The following HRH3 variants were observed in gnomAD, a reference collection of about 807,000 sequenced individuals.
The protein encoded by HRH3 is histamine H3 receptor.
Under a neutral mutation model 21.6 loss-of-function variants are expected in HRH3, and 13 were observed. That is an observed-to-expected ratio of 0.60 (90% CI 0.39 to 0.96). The LOEUF (loss-of-function observed/expected upper bound fraction) is 0.96. HRH3 is among the 40% of genes least tolerant of loss of function. The pLI is 0.00. For synonymous variants in HRH3, 276 were observed against 290.3 expected, an observed-to-expected ratio of 0.95 and a Z score of 0.50; for missense variants, 461 against 622.7, an observed-to-expected ratio of 0.74 and a Z score of 2.76.
rs200525240 is a variant in HRH3 at position 62,215,806 on chromosome 20, C to T, written c.*200G>A. ...GGGGCAGGGCCGGCCACCCAGCCTC[C>T]AGTCCAGCCAGTGAGGGGCCCTCTG... is the stretch of plus-strand genomic sequence containing the variant. On this transcript the variant is annotated 3_prime_UTR_variant, in exon 3 of 3. Coordinates refer to ENST00000340177, the MANE Select transcript of HRH3 (RefSeq NM_007232.3). 8 of 604,578 alleles carry T rather than the reference C, an allele frequency of 1.3e-5. No homozygotes were observed. The highest frequency in any genetic ancestry group is 5.6e-5 in the African/African-American group (3 of 53,954). 37.5% of individuals were successfully genotyped at this position (604,578 alleles called of 1,614,324 possible). A position where few individuals can be genotyped will look rare whatever the true frequency, so the allele number is the denominator to read the frequency against.
At position 62,218,767 on chromosome 20, in the gene HRH3, G is replaced by T. The variant is rs1978686353; in HGVS notation, c.251-110C>A. The T allele has an allele frequency of 2.9e-6, 3 of 1,046,752 alleles. No individual in the cohort carries two copies. Among genetic ancestry groups the T allele is most frequent in the Non-Finnish European group, 4.1e-6 (3 of 728,480 alleles). The allele number at this position is 1,046,752 out of a possible 1,614,324, so 64.8% of individuals were successfully genotyped here. ...GGGTCACATGGTGGCTGCTTTTCTG[G>T]AACTAGCCATCCTCATCTTACCACC... On this transcript the variant is annotated intron_variant, in intron 1 of 2. Transcript: ENST00000340177. The surrounding 1 kb of genome is among the most constrained non-coding windows in gnomAD (Gnocchi z 5.6).
At position 62,219,647 on chromosome 20, in the gene HRH3, C is replaced by G. The variant is rs938308856; in HGVS notation, c.250+74G>C. 4.0e-5 allele frequency: 61 copies of G among 1,523,258 alleles called. No individual in the cohort carries two copies. Among genetic ancestry groups the G allele is most frequent in the East Asian group, 5.4e-5 (2 of 37,274 alleles). The allele number at this position is 1,523,258 out of a possible 1,614,324, so 94.4% of individuals were successfully genotyped here. ...TGTGCCTGCGGGAGCCACCCAGGTC[C>G]GTGTTCCAGTCCCCGCTGGCCCGGC... On this transcript the variant is annotated intron_variant, in intron 1 of 2. Coordinates refer to ENST00000340177, the MANE Select transcript of HRH3 (RefSeq NM_007232.3). The surrounding 1 kb of genome is among the most constrained non-coding windows in gnomAD (Gnocchi z 8.7).
chr20:62,219,632 G>A lies in HRH3; in HGVS notation c.250+89C>T. 1 of 1,478,242 alleles carries A rather than the reference G, an allele frequency of 6.8e-7. No individual in the cohort carries two copies. The highest frequency in any genetic ancestry group is 1.5e-5 in the African/African-American group (1 of 67,348). The allele number at this position is 1,478,242 out of a possible 1,614,324, so 91.6% of individuals were successfully genotyped here. A position where few individuals can be genotyped will look rare whatever the true frequency, so the allele number is the denominator to read the frequency against. ...TCCCCTGGTGGGGCGTGTGCCTGCG[G>A]GAGCCACCCAGGTCCGTGTTCCAGT... On this transcript the variant is annotated intron_variant, in intron 1 of 2. Coordinates refer to ENST00000340177, the MANE Select transcript of HRH3 (RefSeq NM_007232.3). The surrounding 1 kb of genome is among the most constrained non-coding windows in gnomAD (Gnocchi z 8.7).
chr20:62,219,676 G>C lies in HRH3; in HGVS notation c.250+45C>G, dbSNP rs766057001. ...TTCCAGTCCCCGCTGGCCCGGCCAC[G>C]CTGGGCGCCCCTGGGTCCCCAGCGG... is the stretch of plus-strand genomic sequence containing the variant. On this transcript the variant is annotated intron_variant, in intron 1 of 2. Transcript: ENST00000340177. The surrounding 1 kb of genome is among the most constrained non-coding windows in gnomAD (Gnocchi z 8.7). 2 of 1,564,974 alleles carry C rather than the reference G, an allele frequency of 1.3e-6. No individual in the cohort carries two copies. Among genetic ancestry groups the C allele is most frequent in the East Asian group, 2.5e-5 (1 of 40,750 alleles).
rs1435519129 is a variant in HRH3 at position 62,216,469 on chromosome 20, C to A, written c.875G>T (p.Gly292Val). The change falls in exon 3 of 3, where the codon GGG (glycine) becomes GTG (valine). Residue 292 changes from glycine (G) to valine (V), a missense_variant. Gly to Val is a moderately radical substitution (Grantham distance 109). Around this residue, in one of 6 missense-constraint regions of HRH3, gnomAD observed 163 missense variants for 139.4 expected, o/e 1.17. Transcript: ENST00000340177. Reference sequence around the variant, plus strand: ...CACGGAGCCGCCCCCACCGCCACCCCCGAGGGTCGCCTCCCCGGCCTCAGC... The same window carrying A: ...CACGGAGCCGCCCCCACCGCCACCCACGAGGGTCGCCTCCCCGGCCTCAGC... The part of the protein sequence containing the change: ...VGAEAGEATL[G>V]GGGGGGSVAS... The A allele has an allele frequency of 6.4e-7, 1 of 1,551,222 alleles. No individual in the cohort carries two copies. Among genetic ancestry groups the A allele is most frequent in the Admixed American group, 1.9e-5 (1 of 53,262 alleles).
In HRH3 at chr20:62,216,486, G is replaced by C; in HGVS notation, c.858C>G (p.Ala286=). The change falls in exon 3 of 3, where the codon GCC becomes GCG. Residue 286 remains alanine, a synonymous_variant. Coordinates refer to ENST00000340177, the MANE Select transcript of HRH3 (RefSeq NM_007232.3). The stretch of plus-strand genomic sequence containing the variant: ...CGCCACCCCCGAGGGTCGCCTCCCC[G>C]GCCTCAGCGCCTACGGCCGCCTCAC... ...GVGEAAVGAE[A]GEATLGGGGG... The C allele has an allele frequency of 6.4e-6, 10 of 1,566,520 alleles. No homozygotes were observed. Among genetic ancestry groups the C allele is most frequent in the African/African-American group, 4.1e-5 (3 of 73,924 alleles).
rs1249871813 is a variant in HRH3, at chr20:62,219,687, C to G, written c.250+34G>C. 2 of 1,578,204 alleles carry G rather than the reference C, an allele frequency of 1.3e-6. No individual in the cohort carries two copies. Among genetic ancestry groups the G allele is most frequent in the Non-Finnish European group, 8.6e-7 (1 of 1,161,754 alleles). On this transcript the variant is annotated intron_variant, in intron 1 of 2. Transcript: ENST00000340177. This position sits in a 1 kb window ranked among gnomAD's most constrained non-coding sequence, Gnocchi z 8.7. ...GCTGGCCCGGCCACGCTGGGCGCCC[C>G]TGGGTCCCCAGCGGCCAGGGGCTGG...
In HRH3 at chr20:62,219,461, TGCCTTTGC is replaced by T. The variant is rs1978719172; in HGVS notation, c.250+252_250+259del. 6.6e-6 allele frequency among the ~76,000 whole-genome samples: 1 copy of T among 152,180 alleles called. No individual in the cohort carries two copies. Among genetic ancestry groups the T allele is most frequent in the Admixed American group, 6.5e-5 (1 of 15,292 alleles). On this transcript the variant is annotated intron_variant, in intron 1 of 2. Coordinates refer to ENST00000340177, the MANE Select transcript of HRH3 (RefSeq NM_007232.3). The surrounding 1 kb of genome is among the most constrained non-coding windows in gnomAD (Gnocchi z 8.7). ...GCGCAGGAGCCAGAGCTGCACCCGC[TGCCTTTGC>T]GCCTTGCGCCTCGCCCAGTGCCCGT... is the stretch of plus-strand genomic sequence containing the variant.
chr20:62,216,997 G>A, intron 2 of HRH3, 71 bp from the exon 3 acceptor site: 3 of 1,419,466 alleles, frequency 2.1e-6, no homozygotes, highest in South Asian at 2.8e-5. Context: ...CGTAGCCTGT[G>A]GGCCCCTATG....
intron 2 of HRH3, among the ~76,000 whole-genome samples, chr20:62,217,393 C>T (rs1477233686): frequency 6.6e-6 from 1 of 152,220 alleles, no homozygotes; most frequent in Non-Finnish European, 1.5e-5. Flanking sequence ...GGTGCTCGCA[C>T]CCCTGGGAGC....
At position 62,215,776 on chromosome 20, in the gene HRH3, T is replaced by G; in HGVS notation, c.*230A>C. The G allele has an allele frequency of 1.8e-6, 1 of 567,146 alleles. No individual in the cohort carries two copies. Among genetic ancestry groups the G allele is most frequent in the Non-Finnish European group, 3.1e-6 (1 of 317,724 alleles). The allele number at this position is 567,146 out of a possible 1,614,324, so 35.1% of individuals were successfully genotyped here. On this transcript the variant is annotated 3_prime_UTR_variant, in exon 3 of 3. Coordinates refer to ENST00000340177, the MANE Select transcript of HRH3 (RefSeq NM_007232.3). ...ACTGTCCCTCCCGGTGGAGCCAGAA[T>G]GTGGGGGGCAGGGCCGGCCACCCAG...
chr20:62,215,764 G>A lies in HRH3; in HGVS notation c.*242C>T, dbSNP rs945711867. 5.3e-6 allele frequency: 3 copies of A among 564,410 alleles called. No individual in the cohort carries two copies. Among genetic ancestry groups the A allele is most frequent in the Non-Finnish European group, 9.5e-6 (3 of 315,590 alleles). The allele number at this position is 564,410 out of a possible 1,614,324, so 35.0% of individuals were successfully genotyped here. The stretch of plus-strand genomic sequence containing the variant: ...TGGGACCTCCAGACTGTCCCTCCCG[G>A]TGGAGCCAGAATGTGGGGGGCAGGG... On this transcript the variant is annotated 3_prime_UTR_variant, in exon 3 of 3. Coordinates refer to ENST00000340177, the MANE Select transcript of HRH3 (RefSeq NM_007232.3).
chr20:62,215,537 A>AGAAGGCAGC lies in HRH3; in HGVS notation c.*460_*468dup. The AGAAGGCAGC allele has an allele frequency of 4.5e-6, 2 of 448,720 alleles. No individual in the cohort carries two copies. Among genetic ancestry groups the AGAAGGCAGC allele is most frequent in the Middle Eastern group, 6.7e-4 (2 of 2,994 alleles). 27.8% of individuals were successfully genotyped at this position (448,720 alleles called of 1,614,324 possible). ...CAGGCCTGAGGCTTATGCAAGAGAC[A>AGAAGGCAGC]GAAGGCAGCAAAGGCAGTGTCCTGG... is the stretch of plus-strand genomic sequence containing the variant. On this transcript the variant is annotated 3_prime_UTR_variant, in exon 3 of 3. Transcript: ENST00000340177.
intron 2 of HRH3, 76 bp from the exon 3 acceptor site, chr20:62,217,002 C>T (rs1978596527): frequency 7.4e-7 from 1 of 1,359,742 alleles, no homozygotes; most frequent in South Asian, 1.4e-5. Flanking sequence ...CCTGTGGGCC[C>T]CTATGTGGGC....
At position 62,215,047 on chromosome 20, in the gene HRH3, C is replaced by T. The variant is rs199553034; in HGVS notation, c.*959G>A. The stretch of plus-strand genomic sequence containing the variant: ...CACAGGCAGAGGAGCATGCAGAGCG[C>T]GTGGCACGGGTGCACAGCACATGGC... On this transcript the variant is annotated 3_prime_UTR_variant, in exon 3 of 3. Coordinates refer to ENST00000340177, the MANE Select transcript of HRH3 (RefSeq NM_007232.3). The T allele has an allele frequency of 2.7e-5, 8 of 299,710 alleles. No homozygotes were observed. The highest frequency in any genetic ancestry group is 4.3e-5 in the African/African-American group (2 of 46,028). 18.6% of individuals were successfully genotyped at this position (299,710 alleles called of 1,614,324 possible). A position where few individuals can be genotyped will look rare whatever the true frequency, so the allele number is the denominator to read the frequency against.
Position 62,215,000 on chromosome 20 carries a change from G to T in HRH3, c.*1006C>A, listed in dbSNP as rs1739585. The T allele has an allele frequency of 4.9e-3, 1,155 of 235,478 alleles. 14 individuals are homozygous for T. Among genetic ancestry groups the T allele is most frequent in the African/African-American group, 0.023 (1,018 of 44,436 alleles). 14.6% of individuals were successfully genotyped at this position (235,478 alleles called of 1,614,324 possible). A position where few individuals can be genotyped will look rare whatever the true frequency, so the allele number is the denominator to read the frequency against. On this transcript the variant is annotated 3_prime_UTR_variant, in exon 3 of 3. Coordinates refer to ENST00000340177, the MANE Select transcript of HRH3 (RefSeq NM_007232.3). ...AAATACACTTTATTGTGACCTCACG[G>T]TTTGCAGGGCAGCGCAGCGGGCACA...
At position 62,215,936 on chromosome 20, in the gene HRH3, G is replaced by A. The variant is rs201913152; in HGVS notation, c.*70C>T. Reference sequence around the variant, plus strand: ...CCTGGGGGAACGAGCCGGGTAGGGGGCAGCAGGGCCAGATGCCCAGGAGAC... The same window carrying A: ...CCTGGGGGAACGAGCCGGGTAGGGGACAGCAGGGCCAGATGCCCAGGAGAC... On this transcript the variant is annotated 3_prime_UTR_variant, in exon 3 of 3. Coordinates refer to ENST00000340177, the MANE Select transcript of HRH3 (RefSeq NM_007232.3). 7.1e-6 allele frequency: 10 copies of A among 1,412,104 alleles called. No individual in the cohort carries two copies. Among genetic ancestry groups the A allele is most frequent in the Non-Finnish European group, 9.5e-6 (10 of 1,053,790 alleles). 87.5% of individuals were successfully genotyped at this position (1,412,104 alleles called of 1,614,324 possible). A position where few individuals can be genotyped will look rare whatever the true frequency, so the allele number is the denominator to read the frequency against.
In HRH3 at chr20:62,216,675, C is replaced by T. The variant is rs1978578993; in HGVS notation, c.669G>A (p.Leu223=). 3.1e-6 allele frequency: 5 copies of T among 1,612,964 alleles called. No homozygotes were observed. The highest frequency in any genetic ancestry group is 2.2e-5 in the South Asian group (2 of 91,080). Residue 223 remains leucine (L), a synonymous_variant, in exon 3 of 3, where the codon CTG becomes CTA. Transcript: ENST00000340177. ...GGAGGCGGGTGCGCCTCTGGATGTT[C>T]AGGTAGATGCTGAGGTTAAAGAAGG... ...SVTFFNLSIY[L]NIQRRTRLRL...
In HRH3 at chr20:62,215,627, G is replaced by T; in HGVS notation, c.*379C>A. The T allele has an allele frequency of 2.6e-6, 1 of 384,070 alleles. No individual in the cohort carries two copies. The allele number at this position is 384,070 out of a possible 1,614,324, so 23.8% of individuals were successfully genotyped here. A position where few individuals can be genotyped will look rare whatever the true frequency, so the allele number is the denominator to read the frequency against. ...GGGTGTGCAGGTGTGTGCACGTGCA[G>T]AGGCAAACTGCTAGGGCAGGAAGCC... is the stretch of plus-strand genomic sequence containing the variant. On this transcript the variant is annotated 3_prime_UTR_variant, in exon 3 of 3. Coordinates refer to ENST00000340177, the MANE Select transcript of HRH3 (RefSeq NM_007232.3).
Sources: allele counts gnomAD v4.1 joint callset (sites outside exome capture counted in the v4.1 genomes callset), GRCh38; gene constraint gnomAD v4.1.1; regional missense constraint gnomAD v4.1.1; non-coding constraint Gnocchi (gnomAD v3.1); transcripts MANE v1.5; gene names NCBI Gene and HGNC (gene_info 2026-07-23, HGNC 2026-07-21).